PCDHA5: variants seen among roughly 807,000 people sequenced by gnomAD.
PCDHA5 encodes protocadherin alpha-5.
In PCDHA5, 43 loss-of-function variants were observed where a neutral mutation model predicts 61.6. The observed-to-expected ratio is 0.70, with a 90% CI of 0.55 to 0.90. The LOEUF (loss-of-function observed/expected upper bound fraction) is 0.90. PCDHA5 is among the 40% of genes least tolerant of loss of function. The probability of loss-of-function intolerance (pLI) is 0.00; values close to 1 mark genes in which losing one functional copy is unlikely to be tolerated. For synonymous variants in PCDHA5, 627 were observed against 543.9 expected, an observed-to-expected ratio of 1.15 and a Z score of -2.13; for missense variants, 1,298 against 1,222.7, an observed-to-expected ratio of 1.06 and a Z score of -0.92.
At chr5:140,877,526 G>T (rs1554169807) in intron 1 of PCDHA5, 2 of 1,613,676 alleles carry the variant, frequency 1.2e-6, no homozygotes, top group African/African-American at 2.7e-5. Context: ...GCCTCAGTGG[G>T]CGCTGTGGAT....
At chr5:140,833,468 A>G (rs1554133857) in intron 1 of PCDHA5, among the ~76,000 whole-genome samples, 1 of 152,220 alleles carries the variant, frequency 6.6e-6, no homozygotes, top group African/African-American at 2.4e-5. Context: ...CTTACATTTT[A>G]AAAGAAATAA....
intron 1 of PCDHA5, among the ~76,000 whole-genome samples, chr5:140,932,536 T>G (rs1176427449): frequency 1.3e-5 from 2 of 151,940 alleles, no homozygotes. Flanking sequence ...TTCAAGGTGC[T>G]TTATTTAACA....
At chr5:140,882,492 T>C (rs782572325) in intron 1 of PCDHA5, 1 of 1,614,090 alleles carries the variant, frequency 6.2e-7, no homozygotes, top group South Asian at 1.1e-5. Flanking sequence ...GGGGACCTTC[T>C]GGAGGTAAAT....
intron 1 of PCDHA5, chr5:140,869,090 C>T: frequency 6.3e-7 from 1 of 1,589,674 alleles, no homozygotes; most frequent in Non-Finnish European, 8.6e-7. Context: ...TTTTGGAAGC[C>T]AATTTCGTAT....
chr5:140,890,646 C>A (rs1332050034), intron 1 of PCDHA5, among the ~76,000 whole-genome samples: 4 of 152,082 alleles, frequency 2.6e-5, no homozygotes, highest in African/African-American at 9.7e-5. Flanking sequence ...CTTGATATAT[C>A]AAAATCAAAA....
intron 1 of PCDHA5, among the ~76,000 whole-genome samples, chr5:140,871,971 G>A (rs2053418279): frequency 6.6e-6 from 1 of 152,204 alleles, no homozygotes; most frequent in South Asian, 2.1e-4. Context: ...GTCTTCCTAT[G>A]ATGTCCAGGT....
Position 140,961,453 on chromosome 5 carries a change from C to A in PCDHA5, c.2353-17496C>A, listed in dbSNP as rs138800149. On this transcript the variant is annotated intron_variant, in intron 1 of 3. Transcript: ENST00000529859. ...AAAATCACCTAACTACACTGTCTTG[C>A]AGCTGCCTTTCTTTTTTTGTCTTGT... Among the ~76,000 whole-genome samples the A allele has an allele frequency of 2.6e-3, 401 of 152,318 alleles. 1 individual carries two copies. The highest frequency in any genetic ancestry group is 9.2e-3 in the African/African-American group (384 of 41,574).
intron 1 of PCDHA5, chr5:140,869,225 A>G (rs2050944514): frequency 6.2e-7 from 1 of 1,613,790 alleles, no homozygotes; most frequent in African/African-American, 1.3e-5. Flanking sequence ...GAGGCCAAAC[A>G]CGGCACCTTC....
intron 3 of PCDHA5, among the ~76,000 whole-genome samples, chr5:140,998,872 T>C (rs1159101161): frequency 6.6e-6 from 1 of 152,202 alleles, no homozygotes; most frequent in African/African-American, 2.4e-5. Flanking sequence ...TTGTAAATAA[T>C]AAGTTTAGTT....
chr5:140,850,240 T>G, intron 1 of PCDHA5: 1 of 1,593,446 alleles, frequency 6.3e-7, no homozygotes, highest in East Asian at 2.2e-5. Flanking sequence ...GAGATGGTGC[T>G]GCGGTCGGTG....
intron 1 of PCDHA5, among the ~76,000 whole-genome samples, chr5:140,886,846 AAG>A (rs1345370045): frequency 2.0e-5 from 3 of 151,444 alleles, no homozygotes; most frequent in Admixed American, 6.6e-5. Context: ...AAAAAAAAAA[AAG>A]AAAGGTCTTC....
At chr5:140,978,572 A>T (rs1322135580) in intron 1 of PCDHA5, among the ~76,000 whole-genome samples, 2 of 152,234 alleles carry the variant, frequency 1.3e-5, no homozygotes, top group Non-Finnish European at 2.9e-5. Flanking sequence ...GTAATACTGA[A>T]TTGGGAATGT....
chr5:140,982,566 A>C lies in PCDHA5; in HGVS notation c.2500+3A>C. 1.2e-6 allele frequency: 2 copies of C among 1,614,088 alleles called. No individual in the cohort carries two copies. Among genetic ancestry groups the C allele is most frequent in the Non-Finnish European group, 1.7e-6 (2 of 1,179,950 alleles). ...AACAGTATCCAGTGCAACACCAGGT[A>C]AAGAGCTGGGGTCTCTCCATTCTTT... is the stretch of plus-strand genomic sequence containing the variant. On this transcript the variant is annotated splice_donor_region_variant and intron_variant, in intron 3 of 3. Transcript: ENST00000529859.
chr5:140,871,489 G>A (rs782277615), intron 1 of PCDHA5: 6 of 1,590,138 alleles, frequency 3.8e-6, no homozygotes, highest in Non-Finnish European at 5.1e-6. Flanking sequence ...AAATCACCCC[G>A]GACAGGTGAG....
intron 1 of PCDHA5, chr5:140,877,591 G>GT: frequency 6.2e-7 from 1 of 1,613,852 alleles, no homozygotes; most frequent in Non-Finnish European, 8.5e-7. Context: ...CATCTGTGCG[G>GT]TGTCCAGCCT....
intron 1 of PCDHA5, chr5:140,968,325 C>T (rs148804197): frequency 1.2e-6 from 2 of 1,613,988 alleles, no homozygotes; most frequent in African/African-American, 2.7e-5. Context: ...CCAGTCACCT[C>T]CTATGTCTCC....
intron 1 of PCDHA5, among the ~76,000 whole-genome samples, chr5:140,873,598 G>A (rs888999019): frequency 1.3e-5 from 2 of 152,148 alleles, no homozygotes; most frequent in Non-Finnish European, 2.9e-5. Flanking sequence ...AAACTTAGAT[G>A]TTCCTATTGG....
chr5:141,003,714 C>T (rs781976885), intron 3 of PCDHA5, among the ~76,000 whole-genome samples: 17 of 152,266 alleles, frequency 1.1e-4, no homozygotes, highest in South Asian at 2.1e-4. Flanking sequence ...GTGAAGATAT[C>T]GGCTAATCCA....
chr5:140,864,430 A>G (rs2048477187), intron 1 of PCDHA5: 1 of 152,190 alleles, frequency 6.6e-6, no homozygotes, highest in South Asian at 2.1e-4. Flanking sequence ...GTCCACAAAC[A>G]ATTTTGTTTC....
Sources: allele counts gnomAD v4.1 joint callset (sites outside exome capture counted in the v4.1 genomes callset), GRCh38; gene constraint gnomAD v4.1.1; transcripts MANE v1.5; gene names NCBI Gene and HGNC (gene_info 2026-07-23, HGNC 2026-07-21).